The following FOXK1 variants were observed in gnomAD, a reference collection of about 807,000 sequenced individuals.
The protein encoded by FOXK1 is forkhead box protein K1.
In FOXK1, 19 loss-of-function variants were observed where a neutral mutation model predicts 51.9. The ratio of observed to expected loss-of-function variants is 0.37; its 90% CI spans 0.26 to 0.54. The LOEUF (loss-of-function observed/expected upper bound fraction) is 0.54, where lower values mean the gene tolerates loss of function less well. Among genes scored for constraint, FOXK1 ranks in the 20% least tolerant of loss-of-function variants. The pLI, the probability that FOXK1 is intolerant of heterozygous loss-of-function variation, is 0.87. For missense variants in FOXK1, 870 were observed against 1,032.7 expected (o/e 0.84, Z 2.16); for synonymous variants, 537 against 482.6 (o/e 1.11, Z -1.48).
Position 4,755,156 on chromosome 7 carries a change from T to G in FOXK1, c.904-81T>G. 1 of 1,543,166 alleles carries G rather than the reference T, an allele frequency of 6.5e-7. No homozygotes were observed. The highest frequency in any genetic ancestry group is 8.8e-7 in the Non-Finnish European group (1 of 1,133,352). On this transcript the variant is annotated intron_variant, in intron 3 of 8. Transcript: ENST00000328914. The surrounding 1 kb of genome is among the most constrained non-coding windows in gnomAD (Gnocchi z 6.6). ...GCGCACATTCTCGTGGGAAGGTTCCTCCCCATCAGCTGTGACGGGTGGGTG... is the reference window on the plus strand; with the variant it reads ...GCGCACATTCTCGTGGGAAGGTTCCGCCCCATCAGCTGTGACGGGTGGGTG...
At position 4,761,069 on chromosome 7, in the gene FOXK1, G is replaced by A; in HGVS notation, c.1702G>A (p.Glu568Lys). 6.2e-7 allele frequency: 1 copy of A among 1,611,138 alleles called. No individual in the cohort carries two copies. The highest frequency in any genetic ancestry group is 8.5e-7 in the Non-Finnish European group (1 of 1,178,326). ...ACTTGGTTCCTGTCCCGCAGGCCTG[G>A]AGGAGAAACCCACCATTGCGTTTGC... Reference protein sequence around the residue: ...LDLGSEARGLEEKPTIAFATI... With the variant: ...LDLGSEARGLKEKPTIAFATI... Residue 568 changes from glutamate (E) to lysine (K), a missense_variant, in exon 8 of 9, where the codon GAG becomes AAG. By Grantham distance (56) the Glu-to-Lys change is moderately conservative. This residue lies in a region of FOXK1 where 457 missense variants were observed against 510.8 expected (regional missense o/e 0.89). Coordinates refer to ENST00000328914, the MANE Select transcript of FOXK1 (RefSeq NM_001037165.2). This position sits in a 1 kb window ranked among gnomAD's most constrained non-coding sequence, Gnocchi z 6.2.
At chr7:4,728,055 C>G (rs1399020932) in intron 1 of FOXK1, among the ~76,000 whole-genome samples, 1 of 152,172 alleles carries the variant, frequency 6.6e-6, no homozygotes, top group Non-Finnish European at 1.5e-5. Flanking sequence ...TGACCTCAGG[C>G]AGCTGGGCCC....
In FOXK1 at chr7:4,723,542, G is replaced by A. The variant is rs1283827670; in HGVS notation, c.561-17296G>A. Among the ~76,000 whole-genome samples, 10 of 152,178 alleles carry A rather than the reference G, an allele frequency of 6.6e-5. No homozygotes were observed. The highest frequency in any genetic ancestry group is 1.7e-4 in the African/African-American group (7 of 41,520). ...GTTGCCTCTAGGGCCTGTCCATCCC[G>A]TCAGCCCACGGTGCCTCTACAAACA... On this transcript the variant is annotated intron_variant, in intron 1 of 8. Transcript: ENST00000328914. This position sits in a 1 kb window ranked among gnomAD's most constrained non-coding sequence, Gnocchi z 4.7.
Position 4,755,732 on chromosome 7 carries a change from A to G in FOXK1, c.1050+349A>G, listed in dbSNP as rs767864946. On this transcript the variant is annotated intron_variant, in intron 4 of 8. Transcript: ENST00000328914. This position sits in a 1 kb window ranked among gnomAD's most constrained non-coding sequence, Gnocchi z 6.6. ...GGAGACAGAGAAAGACCCTGTGTCT[A>G]CAAAGAAAAAAAATATCTTTTTAAC... Among the ~76,000 whole-genome samples the G allele has an allele frequency of 1.1e-4, 17 of 152,222 alleles. No individual in the cohort carries two copies. Among genetic ancestry groups the G allele is most frequent in the Non-Finnish European group, 2.2e-4 (15 of 68,048 alleles).
At position 4,708,894 on chromosome 7, in the gene FOXK1, G is replaced by A. The variant is rs372000086; in HGVS notation, c.560+26026G>A. Among the ~76,000 whole-genome samples the A allele has an allele frequency of 1.1e-4, 16 of 152,082 alleles. No homozygotes were observed. The East Asian group carries it at 1.2e-3, about 11-fold the overall frequency. On this transcript the variant is annotated intron_variant, in intron 1 of 8. Transcript: ENST00000328914. ...ATCCTGGTCAACATAGTGAGACCCC[G>A]TCTCTACTAAAAATACAGAAATTAG...
chr7:4,732,182 G>A lies in FOXK1; in HGVS notation c.561-8656G>A, dbSNP rs1780486457. On this transcript the variant is annotated intron_variant, in intron 1 of 8. Coordinates refer to ENST00000328914, the MANE Select transcript of FOXK1 (RefSeq NM_001037165.2). ...GGGCTCCTTATGTGTGACACGCCCT[G>A]TGTGCGTCTGATGACGTTGCTTGGA... is the stretch of plus-strand genomic sequence containing the variant. Among the ~76,000 whole-genome samples, 2 of 152,232 alleles carry A rather than the reference G, an allele frequency of 1.3e-5. 1 individual carries two copies. Among genetic ancestry groups the A allele is most frequent in the South Asian group, 4.1e-4 (2 of 4,834 alleles).
intron 1 of FOXK1, among the ~76,000 whole-genome samples, chr7:4,713,452 C>T (rs1288580818): frequency 1.3e-5 from 2 of 151,786 alleles, no homozygotes; most frequent in Non-Finnish European, 2.9e-5. Flanking sequence ...CCTGCGAGGT[C>T]AGCTCCCTAA....
rs1042722690 is a variant in FOXK1 at position 4,768,753 on chromosome 7, G to C, written c.*6289G>C. ...AGGCCACGAGAGAGAGAGGAGCGGG[G>C]AGAGTGGTGAGGAGGATTCGTCTCT... is the stretch of plus-strand genomic sequence containing the variant. On this transcript the variant is annotated 3_prime_UTR_variant, in exon 9 of 9. Coordinates refer to ENST00000328914, the MANE Select transcript of FOXK1 (RefSeq NM_001037165.2). 6.6e-6 allele frequency: 1 copy of C among 152,348 alleles called. No individual in the cohort carries two copies. Among genetic ancestry groups the C allele is most frequent in the African/African-American group, 2.4e-5 (1 of 41,462 alleles). The allele number at this position is 152,348 out of a possible 1,614,324, so 9.4% of individuals were successfully genotyped here.
At chr7:4,713,334 C>CCCGCTCACTGGGATTA (rs369789132) in intron 1 of FOXK1, among the ~76,000 whole-genome samples, 3,918 of 152,044 alleles carry the variant, frequency 0.026, 162 homozygotes, top group African/African-American at 0.089. Context: ...CACTGAGATT[C>CCCGCTCACTGGGATTA]CCGCTCACTG....
intron 1 of FOXK1, among the ~76,000 whole-genome samples, chr7:4,739,654 T>A (rs1780605436): frequency 6.6e-6 from 1 of 152,152 alleles, no homozygotes; most frequent in Non-Finnish European, 1.5e-5. Flanking sequence ...AGGCTCACGG[T>A]TTTAAGCCCA....
chr7:4,718,243 C>T (rs59325270), intron 1 of FOXK1, among the ~76,000 whole-genome samples: 4,248 of 152,328 alleles, frequency 0.028, 190 homozygotes, highest in African/African-American at 0.097. Flanking sequence ...CATCTCATCC[C>T]GTGTGGCTCT....
rs1780883102 is a variant in FOXK1, at chr7:4,758,460, C to A, written c.1245-591C>A. On this transcript the variant is annotated intron_variant, in intron 5 of 8. Coordinates refer to ENST00000328914, the MANE Select transcript of FOXK1 (RefSeq NM_001037165.2). This position sits in a 1 kb window ranked among gnomAD's most constrained non-coding sequence, Gnocchi z 4.4. ...CCTTCCCCGTGGAAGGACACGTTAA[C>A]CTCTCGTGCTTCCCATTTCAAAATT... is the stretch of plus-strand genomic sequence containing the variant. The A allele has an allele frequency of 6.6e-6, 1 of 152,518 alleles. No homozygotes were observed. Among genetic ancestry groups the A allele is most frequent in the African/African-American group, 2.4e-5 (1 of 41,464 alleles). The allele number at this position is 152,518 out of a possible 1,614,324, so 9.4% of individuals were successfully genotyped here.
rs913557799 is a variant in FOXK1 at position 4,734,652 on chromosome 7, A to G, written c.561-6186A>G. ...GGGGGGCTCAGGAAGGCTGGGTCTC[A>G]GGCTTTTCTCCTGCGCCATTGTCTG... On this transcript the variant is annotated intron_variant, in intron 1 of 8. Transcript: ENST00000328914. The surrounding 1 kb of genome is among the most constrained non-coding windows in gnomAD (Gnocchi z 5.2). 2.6e-5 allele frequency among the ~76,000 whole-genome samples: 4 copies of G among 152,278 alleles called. No homozygotes were observed. Among genetic ancestry groups the G allele is most frequent in the African/African-American group, 9.6e-5 (4 of 41,568 alleles).
chr7:4,694,869 G>A (rs575075970), intron 1 of FOXK1, among the ~76,000 whole-genome samples: 9 of 152,274 alleles, frequency 5.9e-5, no homozygotes, highest in African/African-American at 2.2e-4. Context: ...GGGATTAGTC[G>A]TCTACCTTCC....
At chr7:4,696,003 C>T (rs1779946756) in intron 1 of FOXK1, among the ~76,000 whole-genome samples, 1 of 150,820 alleles carries the variant, frequency 6.6e-6, no homozygotes, top group Admixed American at 6.6e-5. Context: ...GCAATCCCAA[C>T]TACTTAGGAA....
At position 4,755,986 on chromosome 7, in the gene FOXK1, A is replaced by G. The variant is rs531135961; in HGVS notation, c.1050+603A>G. 6.6e-5 allele frequency among the ~76,000 whole-genome samples: 10 copies of G among 152,374 alleles called. No individual in the cohort carries two copies. The East Asian group carries it at 1.9e-3, about 29-fold the overall frequency. On this transcript the variant is annotated intron_variant, in intron 4 of 8. Coordinates refer to ENST00000328914, the MANE Select transcript of FOXK1 (RefSeq NM_001037165.2). This position sits in a 1 kb window ranked among gnomAD's most constrained non-coding sequence, Gnocchi z 6.6. Reference sequence around the variant, plus strand: ...ATGTACCATATACTGTTATTCAAACAATCCACATGTCTGAATTGTGGATGG... The same window carrying G: ...ATGTACCATATACTGTTATTCAAACGATCCACATGTCTGAATTGTGGATGG...
chr7:4,731,710 G>A lies in FOXK1; in HGVS notation c.561-9128G>A, dbSNP rs1020133824. Among the ~76,000 whole-genome samples the A allele has an allele frequency of 6.8e-6, 1 of 146,058 alleles. No individual in the cohort carries two copies. The highest frequency in any genetic ancestry group is 1.5e-5 in the Non-Finnish European group (1 of 67,364). Reference sequence around the variant, plus strand: ...GGAGGCGGAGGTTGCAGTGAGCTGAGATTGCACCACTGCACTCCAGCCTGG... The same window carrying A: ...GGAGGCGGAGGTTGCAGTGAGCTGAAATTGCACCACTGCACTCCAGCCTGG... On this transcript the variant is annotated intron_variant, in intron 1 of 8. Transcript: ENST00000328914. The surrounding 1 kb of genome is among the most constrained non-coding windows in gnomAD (Gnocchi z 5.3).
In FOXK1 at chr7:4,703,860, G is replaced by A. The variant is rs1780049909; in HGVS notation, c.560+20992G>A. 6.6e-6 allele frequency among the ~76,000 whole-genome samples: 1 copy of A among 152,082 alleles called. No homozygotes were observed. Among genetic ancestry groups the A allele is most frequent in the Admixed American group, 6.6e-5 (1 of 15,262 alleles). ...GATTTAATCTGGGGAAGGGAGAAAA[G>A]TAACATATGGCAGTCACATTACATT... On this transcript the variant is annotated intron_variant, in intron 1 of 8. Coordinates refer to ENST00000328914, the MANE Select transcript of FOXK1 (RefSeq NM_001037165.2). The surrounding 1 kb of genome is among the most constrained non-coding windows in gnomAD (Gnocchi z 5.6).
intron 1 of FOXK1, among the ~76,000 whole-genome samples, chr7:4,724,496 C>T (rs1010712826): frequency 1.3e-5 from 2 of 152,220 alleles, no homozygotes; most frequent in African/African-American, 2.4e-5. Context: ...GTGCCTGGCC[C>T]AGAGTTCGCT....
Sources: gnomAD v4.1 joint callset for allele counts (sites outside exome capture counted in the v4.1 genomes callset) on GRCh38, gnomAD v4.1.1 for gene constraint, gnomAD v4.1.1 regional missense constraint, Gnocchi (gnomAD v3.1) non-coding constraint, MANE v1.5 for transcripts, NCBI Gene and HGNC (gene_info 2026-07-23, HGNC 2026-07-21) for gene names.